The following HOMER2 variants were observed in gnomAD, a reference collection of about 807,000 sequenced individuals.
HOMER2 encodes the protein homer protein homolog 2.
A neutral mutation model predicts 47.0 loss-of-function variants in HOMER2; 27 were observed. The observed-to-expected ratio is 0.57, with a 90% CI of 0.42 to 0.79. The LOEUF (loss-of-function observed/expected upper bound fraction) is 0.79, where lower values mean the gene tolerates loss of function less well. Among genes scored for constraint, HOMER2 ranks in the 30% least tolerant of loss-of-function variants. The probability of loss-of-function intolerance (pLI) is 0.00; values close to 1 mark genes in which losing one functional copy is unlikely to be tolerated. For missense variants in HOMER2, 443 were observed against 435.0 expected (o/e 1.02, Z -0.16); for synonymous variants, 161 against 163.8 (o/e 0.98, Z 0.13).
intron 1 of HOMER2, among the ~76,000 whole-genome samples, chr15:82,916,600 C>T (rs1223759738): frequency 1.3e-5 from 2 of 152,116 alleles, no homozygotes; most frequent in Non-Finnish European, 2.9e-5. Flanking sequence ...GTGCAGACCC[C>T]GCTGGACCAA....
At chr15:82,855,437 C>T (rs1336609163) in intron 5 of HOMER2, among the ~76,000 whole-genome samples, 1 of 152,056 alleles carries the variant, frequency 6.6e-6, no homozygotes, top group African/African-American at 2.4e-5. Flanking sequence ...CCTTACTGGC[C>T]GCCCTGCTTC....
At chr15:82,918,245 G>A (rs1596353147) in intron 1 of HOMER2, among the ~76,000 whole-genome samples, 1 of 152,150 alleles carries the variant, frequency 6.6e-6, no homozygotes, top group South Asian at 2.1e-4. Context: ...AGTGACTCAG[G>A]ATGAGTACTG....
chr15:82,911,828 G>C (rs2053461083), intron 1 of HOMER2, among the ~76,000 whole-genome samples: 2 of 152,054 alleles, frequency 1.3e-5, no homozygotes. Context: ...TCAGGAGTTC[G>C]AGACCAGACT....
rs1218189794 is a variant in HOMER2, at chr15:82,889,770, G to T, written c.162+2915C>A. 2.0e-5 allele frequency among the ~76,000 whole-genome samples: 3 copies of T among 152,168 alleles called. No individual in the cohort carries two copies. The East Asian group carries it at 5.8e-4, about 29-fold the overall frequency. ...AGCTGAAGGCACAGGGTATGATCTA[G>T]ACCTAGGCTGCTGGGTTTACAGGTT... On this transcript the variant is annotated intron_variant, in intron 2 of 8. Coordinates refer to ENST00000450735, the MANE Select transcript of HOMER2 (RefSeq NM_004839.4).
chr15:82,893,329 C>CTTTT (rs771392216), intron 1 of HOMER2, among the ~76,000 whole-genome samples: 12 of 118,926 alleles, frequency 1.0e-4, no homozygotes, highest in East Asian at 2.4e-4. Context: ...ATAATTTTAT[C>CTTTT]TTTTTTTTTT....
chr15:82,941,028 T>A (rs1056708398), intron 1 of HOMER2, among the ~76,000 whole-genome samples: 1 of 152,200 alleles, frequency 6.6e-6, no homozygotes, highest in African/African-American at 2.4e-5. Context: ...AGGTTTACAT[T>A]ATATAAATCT....
At chr15:82,973,263 T>C (rs2151258772) in intron 1 of HOMER2, among the ~76,000 whole-genome samples, 1 of 152,264 alleles carries the variant, frequency 6.6e-6, no homozygotes, top group East Asian at 1.9e-4. Flanking sequence ...CTCAAATATG[T>C]TTTTCTGTAG....
intron 1 of HOMER2, among the ~76,000 whole-genome samples, chr15:82,928,850 T>G (rs755823898): frequency 1.3e-5 from 2 of 148,452 alleles, no homozygotes; most frequent in South Asian, 4.3e-4. Context: ...TCACCTTCCC[T>G]CTCACATTCC....
At chr15:82,881,153 T>G (rs1596321834) in intron 2 of HOMER2, among the ~76,000 whole-genome samples, 1 of 152,160 alleles carries the variant, frequency 6.6e-6, no homozygotes. Context: ...CTCTAAAACT[T>G]TCACAGAGAA....
chr15:82,860,212 G>A (rs557573637), intron 4 of HOMER2, among the ~76,000 whole-genome samples: 3 of 152,184 alleles, frequency 2.0e-5, no homozygotes, highest in Admixed American at 1.3e-4. Context: ...CTCCAGCCTG[G>A]GCAACAAGAG....
chr15:82,860,949 T>TG (rs55876601), intron 4 of HOMER2, among the ~76,000 whole-genome samples: 25,945 of 63,648 alleles, frequency 0.41, 4,278 homozygotes, highest in East Asian at 0.59. Flanking sequence ...AGATAGAAGA[T>TG]AGAAGATGAG....
At chr15:82,942,945 C>G (rs1329188579) in intron 1 of HOMER2, among the ~76,000 whole-genome samples, 3 of 152,136 alleles carry the variant, frequency 2.0e-5, no homozygotes, top group African/African-American at 7.2e-5. Flanking sequence ...AGCAGAGTGA[C>G]TGGGTCGTCT....
chr15:82,861,245 C>T (rs1278999172), intron 4 of HOMER2, among the ~76,000 whole-genome samples: 1 of 152,150 alleles, frequency 6.6e-6, no homozygotes, highest in East Asian at 1.9e-4. Flanking sequence ...CCACCAAATG[C>T]ACAAAGACAT....
At chr15:82,870,287 G>A (rs1273211959) in intron 3 of HOMER2, among the ~76,000 whole-genome samples, 1 of 152,128 alleles carries the variant, frequency 6.6e-6, no homozygotes, top group Non-Finnish European at 1.5e-5. Flanking sequence ...CCGTTTCCCT[G>A]GTTTTTGGTG....
intron 3 of HOMER2, among the ~76,000 whole-genome samples, chr15:82,873,906 T>C (rs1321238535): frequency 1.3e-5 from 2 of 152,208 alleles, no homozygotes; most frequent in African/African-American, 2.4e-5. Flanking sequence ...TGCACACATA[T>C]ATGTGAGTAT....
At chr15:82,932,387 T>C (rs1442106872) in intron 1 of HOMER2, among the ~76,000 whole-genome samples, 1 of 151,288 alleles carries the variant, frequency 6.6e-6, no homozygotes, top group Non-Finnish European at 1.5e-5. Flanking sequence ...CCCAGCTACT[T>C]GGGAGGCTCA....
Position 82,976,014 on chromosome 15 carries a change from A to T in HOMER2, n.82+9773T>A, listed in dbSNP as rs867918785. Among the ~76,000 whole-genome samples, 14 of 152,298 alleles carry T rather than the reference A, an allele frequency of 9.2e-5. No homozygotes were observed. The South Asian group carries it at 1.9e-3, about 20-fold the overall frequency. On this transcript the variant is annotated intron_variant and non_coding_transcript_variant, in intron 1 of 1. Coordinates refer to the HOMER2 transcript ENST00000500334. Reference sequence around the variant, plus strand: ...ACCCATATAAATTAAAATTAAAAAAATTTTAAATAAAATAAATTTAAAAAG... The same window carrying T: ...ACCCATATAAATTAAAATTAAAAAATTTTTAAATAAAATAAATTTAAAAAG...
At chr15:82,961,420 T>C (rs1208718582) in intron 1 of HOMER2, among the ~76,000 whole-genome samples, 1 of 152,274 alleles carries the variant, frequency 6.6e-6, no homozygotes, top group Non-Finnish European at 1.5e-5. Context: ...TATTGTTCTC[T>C]TGGCACATGC....
chr15:82,893,645 G>T (rs62011714), intron 1 of HOMER2, among the ~76,000 whole-genome samples: 1 of 132,110 alleles, frequency 7.6e-6, no homozygotes, highest in African/African-American at 3.0e-5. Context: ...TTTTTTTTAA[G>T]AGACAGTGTC....
Sources: gnomAD v4.1 joint callset for allele counts (sites outside exome capture counted in the v4.1 genomes callset) on GRCh38, gnomAD v4.1.1 for gene constraint, MANE v1.5 for transcripts, NCBI Gene and HGNC (gene_info 2026-07-23, HGNC 2026-07-21) for gene names.